Variants in GRIP1 observed in about 807,000 individuals in gnomAD.
The protein encoded by GRIP1 is glutamate receptor-interacting protein 1.
In GRIP1, 45 loss-of-function variants were observed where a neutral mutation model predicts 129.9. That is an observed-to-expected ratio of 0.35 (90% CI 0.27 to 0.44). GRIP1 has a LOEUF of 0.44. GRIP1 is among the 20% of genes least tolerant of loss of function. The pLI is 1.00. For missense variants in GRIP1, 1,196 were observed against 1,396.8 expected, an observed-to-expected ratio of 0.86 and a Z score of 2.29; for synonymous variants, 530 against 520.8, an observed-to-expected ratio of 1.02 and a Z score of -0.24.
chr12:67,035,382 T>C (rs1179137045), intron 1 of GRIP1: 1 of 152,194 alleles, frequency 6.6e-6, no homozygotes, highest in African/African-American at 2.4e-5. Flanking sequence ...GGGAACAAAG[T>C]CTGAATCTGC....
intron 19 of GRIP1, among the ~76,000 whole-genome samples, chr12:66,391,715 G>A (rs2056595083): frequency 1.3e-5 from 2 of 152,172 alleles, no homozygotes. Flanking sequence ...GCTGGGTGTG[G>A]TGGTGTGTGC....
intron 23 of GRIP1, among the ~76,000 whole-genome samples, chr12:66,356,745 T>C (rs1272982057): frequency 6.6e-6 from 1 of 152,196 alleles, no homozygotes; most frequent in Non-Finnish European, 1.5e-5. Flanking sequence ...CCAAAAAATA[T>C]GATCACTTTC....
intron 15 of GRIP1, among the ~76,000 whole-genome samples, chr12:66,409,855 T>G (rs554558534): frequency 2.0e-5 from 3 of 152,240 alleles, no homozygotes; most frequent in African/African-American, 4.8e-5. Flanking sequence ...GAGATTAAAA[T>G]AATTTTAAAA....
intron 1 of GRIP1, among the ~76,000 whole-genome samples, chr12:67,022,701 C>CT (rs1290692059): frequency 2.0e-5 from 3 of 151,904 alleles, no homozygotes; most frequent in Non-Finnish European, 4.4e-5. Context: ...TGTTGAGTAT[C>CT]TTTTTTTTAT....
intron 9 of GRIP1, among the ~76,000 whole-genome samples, chr12:66,456,864 T>G (rs549167529): frequency 2.6e-5 from 4 of 152,278 alleles, no homozygotes; most frequent in African/African-American, 9.6e-5. Context: ...CTACAATCCA[T>G]CACTTGGACT....
intron 7 of GRIP1, among the ~76,000 whole-genome samples, chr12:66,499,318 AT>A: frequency 6.6e-6 from 1 of 152,350 alleles, no homozygotes; most frequent in African/African-American, 2.4e-5. Flanking sequence ...TAAATAGGTT[AT>A]CATGAGGATA....
intron 1 of GRIP1, among the ~76,000 whole-genome samples, chr12:66,635,078 C>T (rs1175114262): frequency 1.3e-5 from 2 of 152,130 alleles, no homozygotes; most frequent in Admixed American, 1.3e-4. Flanking sequence ...CAATAAATAA[C>T]TTGTTAAATG....
rs573892564 is a variant in GRIP1 at position 66,723,441 on chromosome 12, T to C, written c.-420+80612A>G. Among the ~76,000 whole-genome samples the C allele has an allele frequency of 6.6e-5, 10 of 150,772 alleles. No homozygotes were observed. The South Asian group carries it at 2.1e-3, about 32-fold the overall frequency. ...AATTCTCCTGCCTCAGCCTCCCGAG[T>C]AGCTGGGACTACAGGCGTGCGCCAC... On this transcript the variant is annotated intron_variant, in intron 1 of 4. Transcript: ENST00000538373.
chr12:66,642,680 A>G (rs182553352), intron 1 of GRIP1, among the ~76,000 whole-genome samples: 70 of 152,250 alleles, frequency 4.6e-4, no homozygotes, highest in Non-Finnish European at 8.2e-4. Flanking sequence ...TAATCCAAAG[A>G]CTAACATTTG....
intron 7 of GRIP1, among the ~76,000 whole-genome samples, chr12:66,485,109 G>A (rs1027918249): frequency 2.0e-5 from 3 of 152,140 alleles, no homozygotes; most frequent in African/African-American, 7.2e-5. Context: ...TGTCAAAGAG[G>A]TTTTCTAAAG....
chr12:66,786,021 T>C (rs2038332022), intron 1 of GRIP1, among the ~76,000 whole-genome samples: 1 of 152,182 alleles, frequency 6.6e-6, no homozygotes, highest in South Asian at 2.1e-4. Flanking sequence ...AGATGGAGGC[T>C]ACAGTGAGAT....
Position 66,937,248 on chromosome 12 carries a change from C to T in GRIP1, c.58+131802G>A, listed in dbSNP as rs952515601. Reference sequence around the variant, plus strand: ...TGGCCATATTATCTAATTTTAAACTCTACCCCTGACACTTGGCCACCTTTC... The same window carrying T: ...TGGCCATATTATCTAATTTTAAACTTTACCCCTGACACTTGGCCACCTTTC... On this transcript the variant is annotated intron_variant, in intron 1 of 1. Transcript: ENST00000643019. Among the ~76,000 whole-genome samples, 3 of 152,122 alleles carry T rather than the reference C, an allele frequency of 2.0e-5. No individual in the cohort carries two copies. In the East Asian group the frequency reaches 5.8e-4, roughly 29 times the overall value.
chr12:66,888,764 A>G (rs2040608404), intron 1 of GRIP1, among the ~76,000 whole-genome samples: 1 of 152,198 alleles, frequency 6.6e-6, no homozygotes. Flanking sequence ...TGCTAACAGG[A>G]GCTAAAATAT....
In GRIP1 at chr12:66,841,079, T is replaced by C. The variant is rs531803880; in HGVS notation, c.58+227971A>G. ...TTATTTGTTTTTTCTGAAATTCAAA[T>C]TTAACTAAACATCCCATATTTTTAT... On this transcript the variant is annotated intron_variant, in intron 1 of 1. Transcript: ENST00000643019. 1.1e-4 allele frequency among the ~76,000 whole-genome samples: 16 copies of C among 152,340 alleles called. 2 individuals carry two copies. In the South Asian group the frequency reaches 3.3e-3, roughly 32 times the overall value.
At chr12:66,918,888 G>GA (rs1254531429) in intron 1 of GRIP1, among the ~76,000 whole-genome samples, 1 of 152,076 alleles carries the variant, frequency 6.6e-6, no homozygotes, top group Admixed American at 6.5e-5. Flanking sequence ...AAGGGTACAT[G>GA]AAAAAATTAT....
intron 1 of GRIP1, among the ~76,000 whole-genome samples, chr12:66,875,615 T>A (rs1007879895): frequency 2.0e-5 from 3 of 152,102 alleles, no homozygotes; most frequent in Admixed American, 2.0e-4. Flanking sequence ...AATGAGGTTG[T>A]CTTCAAGGCT....
chr12:66,401,860 T>C (rs1201083472), intron 16 of GRIP1, among the ~76,000 whole-genome samples: 1 of 152,146 alleles, frequency 6.6e-6, no homozygotes, highest in African/African-American at 2.4e-5. Flanking sequence ...CAGACTCTCT[T>C]GAATGGCTCA....
intron 1 of GRIP1, among the ~76,000 whole-genome samples, chr12:67,001,077 G>A (rs1768199308): frequency 6.6e-6 from 1 of 152,146 alleles, no homozygotes; most frequent in Non-Finnish European, 1.5e-5. Flanking sequence ...TAGCAATTAT[G>A]TCAGACTGTC....
chr12:66,832,663 A>G (rs534339441), intron 1 of GRIP1, among the ~76,000 whole-genome samples: 2 of 152,348 alleles, frequency 1.3e-5, no homozygotes, highest in South Asian at 4.1e-4. Context: ...GAAAATATCC[A>G]AATTATAAAT....
Sources: gnomAD v4.1 joint callset for allele counts (sites outside exome capture counted in the v4.1 genomes callset) on GRCh38, gnomAD v4.1.1 for gene constraint, MANE v1.5 for transcripts, NCBI Gene and HGNC (gene_info 2026-07-23, HGNC 2026-07-21) for gene names.